The following SFI1 variants were observed in gnomAD, a reference collection of about 807,000 sequenced individuals.
The protein encoded by SFI1 is protein SFI1 homolog.
In SFI1, 195 loss-of-function variants were observed where a neutral mutation model predicts 207.5. That is an observed-to-expected ratio of 0.94 (90% CI 0.84 to 1.06). The LOEUF (loss-of-function observed/expected upper bound fraction) is 1.06, where lower values mean the gene tolerates loss of function less well. SFI1 is among the 50% of genes least tolerant of loss of function. SFI1 has a pLI of 0.00. For synonymous variants in SFI1, 630 were observed against 598.9 expected (o/e 1.05, Z -0.76); for missense variants, 1,634 against 1,588.0 (o/e 1.03, Z -0.49).
In SFI1 at chr22:31,550,271, T is replaced by C. The variant is rs1462726292; in HGVS notation, c.467T>C (p.Leu156Pro). 1 of 1,613,842 alleles carries C rather than the reference T, an allele frequency of 6.2e-7. No homozygotes were observed. The highest frequency in any genetic ancestry group is 1.3e-5 in the African/African-American group (1 of 74,880). The change falls in exon 6 of 33, where the codon CTG becomes CCG. Residue 156 changes from leucine (L) to proline (P), a missense_variant. Leu to Pro is a moderately conservative substitution (Grantham distance 98). Coordinates refer to ENST00000400288, the MANE Select transcript of SFI1 (RefSeq NM_001007467.3). Reference protein sequence around the residue: ...DCHYRYYLYNLMFQTWKTYVR... With the variant: ...DCHYRYYLYNPMFQTWKTYVR... ...CTCCTCAGGTATTACCTGTACAACCTGATGTTCCAGACGTGGAAGACCTAT... is the reference window on the plus strand; with the variant it reads ...CTCCTCAGGTATTACCTGTACAACCCGATGTTCCAGACGTGGAAGACCTAT...
chr22:31,542,432 A>C (rs1840335381), intron 4 of SFI1, among the ~76,000 whole-genome samples: 1 of 151,854 alleles, frequency 6.6e-6, no homozygotes, highest in South Asian at 2.1e-4. Flanking sequence ...GTTCAAGCCC[A>C]GCCTGGCCAA....
At position 31,618,229 on chromosome 22, in the gene SFI1, G is replaced by A; in HGVS notation, c.3624+3G>A. The A allele has an allele frequency of 1.3e-6, 2 of 1,595,550 alleles. No individual in the cohort carries two copies. The highest frequency in any genetic ancestry group is 2.3e-5 in the East Asian group (1 of 44,194). The stretch of plus-strand genomic sequence containing the variant: ...AGGTGCAGAAAGAGCTGGAACAGGT[G>A]AGGCCCCAGGCCATCCCCAGGTGTC... On this transcript the variant is annotated splice_donor_region_variant and intron_variant, in intron 32 of 32. Coordinates refer to ENST00000400288, the MANE Select transcript of SFI1 (RefSeq NM_001007467.3).
chr22:31,503,801 C>T (rs2054207278), intron 1 of SFI1, among the ~76,000 whole-genome samples: 1 of 150,180 alleles, frequency 6.7e-6, no homozygotes, highest in South Asian at 2.1e-4. Flanking sequence ...GTTAGTCAGG[C>T]TGGTGGCGAC....
intron 14 of SFI1, among the ~76,000 whole-genome samples, chr22:31,589,069 C>A (rs2065432388): frequency 6.6e-6 from 1 of 151,942 alleles, no homozygotes; most frequent in Admixed American, 6.6e-5. Flanking sequence ...TAACACATGA[C>A]AAAGGACTAA....
chr22:31,530,595 C>G (rs913432991), intron 3 of SFI1: 1 of 469,890 alleles, frequency 2.1e-6, no homozygotes, highest in Admixed American at 2.4e-5. Flanking sequence ...CTTTCAGGGG[C>G]TCACAGTGCA....
chr22:31,587,538 C>A (rs551054044), intron 14 of SFI1: 1 of 167,216 alleles, frequency 6.0e-6, no homozygotes. Flanking sequence ...GTCTCAAACT[C>A]CCAAGCTCTG....
intron 24 of SFI1, 32 bp downstream of exon 24, chr22:31,611,872 T>G (rs370883740): frequency 7.1e-5 from 115 of 1,611,744 alleles, no homozygotes; most frequent in Non-Finnish European, 9.4e-5. Context: ...CCTCTGCACT[T>G]CCTTCTCCAT....
In SFI1 at chr22:31,514,376, C is replaced by T. The variant is rs184376345; in HGVS notation, c.92+6000C>T. 4.5e-3 allele frequency among the ~76,000 whole-genome samples: 674 copies of T among 151,202 alleles called. 5 individuals are homozygous for T. The highest frequency in any genetic ancestry group is 0.016 in the African/African-American group (641 of 41,224). The stretch of plus-strand genomic sequence containing the variant: ...AAAAAAAATTAGCTGGGCGTGGTGG[C>T]GGGCGCCTGTAGTCCCAGCTACTTG... On this transcript the variant is annotated intron_variant, in intron 2 of 32. Transcript: ENST00000400288.
chr22:31,531,077 T>G lies in SFI1; in HGVS notation c.286T>G (p.Leu96Val), dbSNP rs2058474774. The G allele has an allele frequency of 6.2e-7, 1 of 1,613,470 alleles. No individual in the cohort carries two copies. Among genetic ancestry groups the G allele is most frequent in the East Asian group, 2.2e-5 (1 of 44,862 alleles). Residue 96 changes from leucine to valine, a missense_variant, in exon 4 of 33, where the codon TTA becomes GTA. Leu to Val is a conservative substitution (Grantham distance 32). Transcript: ENST00000400288. ...TTTCAGATGCGTGGCCAGAAAGTTC[T>G]TATATTTATGGATTCGAATGACTTT... is the stretch of plus-strand genomic sequence containing the variant. Reference protein sequence around the residue: ...LRIRCVARKFLYLWIRMTFGR... With the variant: ...LRIRCVARKFVYLWIRMTFGR...
At chr22:31,615,531 A>G (rs979776749) in intron 29 of SFI1, 1 of 396,744 alleles carries the variant, frequency 2.5e-6, no homozygotes, top group Non-Finnish European at 4.4e-6. Context: ...CCCTGCCTGC[A>G]GGCCAGTAAA....
At chr22:31,605,528 C>G (rs1262677118) in intron 20 of SFI1, 1 of 152,586 alleles carries the variant, frequency 6.6e-6, no homozygotes, top group Admixed American at 6.5e-5. Flanking sequence ...ACATGATACT[C>G]CTGGTGGCCT....
chr22:31,506,328 G>A (rs1255778237), intron 1 of SFI1, among the ~76,000 whole-genome samples: 2 of 152,018 alleles, frequency 1.3e-5, no homozygotes, highest in Admixed American at 6.6e-5. Flanking sequence ...GATTACAGGC[G>A]TGAGCCACTG....
chr22:31,614,495 TCA>T (rs2071003171), intron 27 of SFI1: 3 of 603,448 alleles, frequency 5.0e-6, no homozygotes, highest in Non-Finnish European at 9.3e-6. Flanking sequence ...CCTGAACGTC[TCA>T]GAGGCTGCTC....
intron 8 of SFI1, among the ~76,000 whole-genome samples, chr22:31,562,582 A>G (rs560763544): frequency 2.0e-5 from 3 of 152,296 alleles, no homozygotes; most frequent in East Asian, 1.9e-4. Flanking sequence ...GGAAGGTTAA[A>G]TAACTTGAAC....
chr22:31,563,230 C>G (rs1025823716), intron 8 of SFI1, among the ~76,000 whole-genome samples: 1 of 151,880 alleles, frequency 6.6e-6, no homozygotes, highest in Non-Finnish European at 1.5e-5. Context: ...TGAGCTCAGG[C>G]AATCTGCCTG....
chr22:31,570,538 A>C (rs1239629724), intron 8 of SFI1, among the ~76,000 whole-genome samples: 7 of 152,186 alleles, frequency 4.6e-5, no homozygotes, highest in Non-Finnish European at 1.0e-4. Context: ...TGGAATACTG[A>C]GGATGGGGCC....
At chr22:31,579,685 C>T (rs2063890018) in intron 11 of SFI1, among the ~76,000 whole-genome samples, 1 of 152,136 alleles carries the variant, frequency 6.6e-6, no homozygotes, top group Non-Finnish European at 1.5e-5. Context: ...CTCCTGTGCT[C>T]AAGCAGTCCT....
chr22:31,537,626 G>A (rs1442269880), intron 4 of SFI1, among the ~76,000 whole-genome samples: 1 of 152,170 alleles, frequency 6.6e-6, no homozygotes, highest in African/African-American at 2.4e-5. Context: ...TACGCCTGTA[G>A]GCCTCAGTTT....
At chr22:31,517,447 C>T (rs1685531422) in intron 2 of SFI1, among the ~76,000 whole-genome samples, 1 of 152,120 alleles carries the variant, frequency 6.6e-6, no homozygotes, top group South Asian at 2.1e-4. Flanking sequence ...GGGCTTTCAT[C>T]GCACTGCCCA....
Sources: allele counts gnomAD v4.1 joint callset (sites outside exome capture counted in the v4.1 genomes callset), GRCh38; gene constraint gnomAD v4.1.1; transcripts MANE v1.5; gene names NCBI Gene and HGNC (gene_info 2026-07-23, HGNC 2026-07-21).